The following IL1RAPL2 variants were observed in gnomAD, a reference collection of about 807,000 sequenced individuals.
IL1RAPL2 encodes the protein X-linked interleukin-1 receptor accessory protein-like 2.
IL1RAPL2 carries 3 observed loss-of-function variants against 44.1 expected under a neutral mutation model. The observed-to-expected ratio is 0.07, with a 90% confidence interval of 0.03 to 0.18. IL1RAPL2 has a LOEUF of 0.18. Among genes scored for constraint, IL1RAPL2 ranks in the 10% least tolerant of loss-of-function variants. IL1RAPL2 has a pLI of 1.00. For synonymous variants in IL1RAPL2, 181 were observed against 178.8 expected (o/e 1.01, Z -0.10); for missense variants, 391 against 496.4 (o/e 0.79, Z 2.02).
intron 2 of IL1RAPL2, among the ~76,000 whole-genome samples, chrX:105,120,255 T>C (rs1249731555): frequency 9.3e-6 from 1 of 107,705 alleles, no homozygotes; most frequent in Non-Finnish European, 1.9e-5. Context: ...CCAATATCCT[T>C]TACCCAGGGA....
rs1443735703 is a variant in IL1RAPL2 at position 105,767,605 on chromosome X, A to G, written c.2005A>G (p.Ser669Gly). Residue 669 changes from serine (S) to glycine (G), a missense_variant, in exon 11 of 11, where the codon AGT becomes GGT. Coordinates refer to ENST00000372582, the MANE Select transcript of IL1RAPL2 (RefSeq NM_017416.2). ...LKDTQEFHRN[S>G]SLLPLSSKEL... ...AGATACCCAGGAATTTCACAGGAAC[A>G]GTTCTTTGCTGCCTTTATCCTCCAA... The G allele has an allele frequency of 1.7e-6, 2 of 1,209,425 alleles. No individual in the cohort carries two copies. The highest frequency in any genetic ancestry group is 2.2e-6 in the Non-Finnish European group (2 of 894,817).
chrX:105,197,718 A>G (rs1301528760), intron 3 of IL1RAPL2, among the ~76,000 whole-genome samples: 1 of 111,819 alleles, frequency 8.9e-6, no homozygotes, highest in Non-Finnish European at 1.9e-5. Context: ...TTAGCTTAGT[A>G]AAAATACATG....
chrX:105,628,941 T>G (rs1383865697), intron 6 of IL1RAPL2, among the ~76,000 whole-genome samples: 6 of 80,972 alleles, frequency 7.4e-5, no homozygotes, highest in Admixed American at 2.6e-4. Context: ...AGACTTCATC[T>G]CAAAAAAAAA....
At chrX:105,256,838 A>C (rs1406506469) in intron 4 of IL1RAPL2, among the ~76,000 whole-genome samples, 1 of 110,971 alleles carries the variant, frequency 9.0e-6, no homozygotes, top group African/African-American at 3.3e-5. Context: ...AATTGTGTTT[A>C]TTTGGATCTT....
At chrX:105,444,592 A>G (rs1438638790) in intron 5 of IL1RAPL2, among the ~76,000 whole-genome samples, 1 of 111,670 alleles carries the variant, frequency 9.0e-6, no homozygotes, top group Non-Finnish European at 1.9e-5. Context: ...CATTATTAAT[A>G]TATAATAATT....
chrX:104,870,404 G>A (rs753470309), intron 2 of IL1RAPL2, among the ~76,000 whole-genome samples: 1 of 112,651 alleles, frequency 8.9e-6, no homozygotes, highest in Non-Finnish European at 1.9e-5. Context: ...TGACTAACAT[G>A]TATTGAGTGC....
chrX:104,667,337 T>A (rs900353039), intron 2 of IL1RAPL2, among the ~76,000 whole-genome samples: 9 of 111,901 alleles, frequency 8.0e-5, no homozygotes, highest in Non-Finnish European at 1.3e-4. Context: ...AAATGTCTTA[T>A]GATGGGTCCC....
chrX:105,131,200 T>C (rs764716627), intron 2 of IL1RAPL2, among the ~76,000 whole-genome samples: 2 of 110,682 alleles, frequency 1.8e-5, no homozygotes, highest in Admixed American at 1.9e-4. Flanking sequence ...GTGTTGGAGA[T>C]CTGTACTTCT....
At chrX:104,981,146 T>C (rs1355306749) in intron 2 of IL1RAPL2, among the ~76,000 whole-genome samples, 1 of 109,283 alleles carries the variant, frequency 9.2e-6, no homozygotes, top group Non-Finnish European at 1.9e-5. Flanking sequence ...TTTCCAACTT[T>C]TAGGTTCAAG....
At chrX:104,846,001 C>G (rs1461319920) in intron 2 of IL1RAPL2, among the ~76,000 whole-genome samples, 1 of 111,121 alleles carries the variant, frequency 9.0e-6, no homozygotes, top group Non-Finnish European at 1.9e-5. Flanking sequence ...TGAGCTAAAT[C>G]TACCTAGAGT....
chrX:104,996,160 GGTTCA>G (rs1253328741), intron 2 of IL1RAPL2, among the ~76,000 whole-genome samples: 4 of 111,693 alleles, frequency 3.6e-5, no homozygotes, highest in Non-Finnish European at 7.5e-5. Flanking sequence ...TATATATTGA[GGTTCA>G]GCCTTACTAG....
intron 2 of IL1RAPL2, among the ~76,000 whole-genome samples, chrX:104,736,911 A>G (rs1932022537): frequency 8.9e-6 from 1 of 112,426 alleles, no homozygotes; most frequent in Non-Finnish European, 1.9e-5. Flanking sequence ...GTGAGGATAA[A>G]AGGTTAGAAC....
Position 105,755,163 on chromosome X carries a change from T to A in IL1RAPL2, c.1193-14T>A. On this transcript the variant is annotated splice_polypyrimidine_tract_variant and intron_variant, in intron 9 of 10. Transcript: ENST00000372582. ...TTAATAGTTACAACCCTTTTGTTGTTCTTTATGTTTAAGACAACAAGGAAT... is the reference window on the plus strand; with the variant it reads ...TTAATAGTTACAACCCTTTTGTTGTACTTTATGTTTAAGACAACAAGGAAT... 1 of 1,157,015 alleles carries A rather than the reference T, an allele frequency of 8.6e-7. No homozygotes were observed. Among genetic ancestry groups the A allele is most frequent in the Non-Finnish European group, 1.2e-6 (1 of 854,064 alleles).
chrX:104,830,587 A>G (rs182994145), intron 2 of IL1RAPL2, among the ~76,000 whole-genome samples: 21 of 111,813 alleles, frequency 1.9e-4, no homozygotes, highest in African/African-American at 5.5e-4. Context: ...AAATTCAGCC[A>G]TCAGTTTTGT....
At chrX:104,909,697 C>T (rs774902260) in intron 2 of IL1RAPL2, among the ~76,000 whole-genome samples, 1 of 112,077 alleles carries the variant, frequency 8.9e-6, no homozygotes, top group South Asian at 3.7e-4. Context: ...AGGCAGTCTG[C>T]CCCTTCTCAG....
intron 6 of IL1RAPL2, among the ~76,000 whole-genome samples, chrX:105,696,994 A>G (rs908331612): frequency 5.4e-5 from 6 of 110,835 alleles, no homozygotes; most frequent in African/African-American, 2.0e-4. Flanking sequence ...GGAAGCTTTT[A>G]CTCATGGAGG....
At chrX:104,671,484 C>T (rs1336679490) in intron 2 of IL1RAPL2, among the ~76,000 whole-genome samples, 1 of 111,534 alleles carries the variant, frequency 9.0e-6, no homozygotes, top group Non-Finnish European at 1.9e-5. Context: ...CGTTGGATTG[C>T]CCCCATCGAC....
At chrX:105,151,671 G>A (rs891596951) in intron 2 of IL1RAPL2, among the ~76,000 whole-genome samples, 4 of 110,054 alleles carry the variant, frequency 3.6e-5, no homozygotes, top group African/African-American at 1.3e-4. Context: ...TAATAAAATT[G>A]GGATAGTACC....
intron 6 of IL1RAPL2, among the ~76,000 whole-genome samples, chrX:105,503,761 T>G (rs1405905703): frequency 8.9e-6 from 1 of 111,892 alleles, no homozygotes; most frequent in Non-Finnish European, 1.9e-5. Flanking sequence ...AAAGGGAGAA[T>G]CTGTTCCATG....
Sources: allele counts gnomAD v4.1 joint callset (sites outside exome capture counted in the v4.1 genomes callset), GRCh38; gene constraint gnomAD v4.1.1; transcripts MANE v1.5; gene names NCBI Gene and HGNC (gene_info 2026-07-23, HGNC 2026-07-21).